Variants in APBB2 observed in about 807,000 individuals in gnomAD.
APBB2 encodes Fe65-like 1.
In APBB2, 38 loss-of-function variants were observed where a neutral mutation model predicts 82.5. The observed-to-expected ratio is 0.46, with a 90% CI of 0.36 to 0.60. The LOEUF is 0.60. APBB2 is among the 20% of genes least tolerant of loss of function. APBB2 has a pLI of 0.00. For missense variants in APBB2, 772 were observed against 972.3 expected (o/e 0.79, Z 2.74); for synonymous variants, 341 against 368.2 (o/e 0.93, Z 0.85).
intron 1 of APBB2, among the ~76,000 whole-genome samples, chr4:41,159,137 G>A (rs945861895): frequency 6.6e-6 from 1 of 152,198 alleles, no homozygotes; most frequent in Non-Finnish European, 1.5e-5. Context: ...TCCTCCAAGA[G>A]AGGACTGTAG....
intron 3 of APBB2, among the ~76,000 whole-genome samples, chr4:41,074,615 T>A (rs371937821): frequency 0.15 from 22,487 of 146,534 alleles, 2,288 homozygotes; most frequent in East Asian, 0.45. Context: ...ATTATTTTTT[T>A]TTTTTTTTTT....
chr4:41,191,527 G>A (rs1035260701), intron 1 of APBB2, among the ~76,000 whole-genome samples: 2 of 152,146 alleles, frequency 1.3e-5, no homozygotes, highest in African/African-American at 4.8e-5. Flanking sequence ...GGAAAGGATA[G>A]TCTCCTCAAT....
intron 1 of APBB2, among the ~76,000 whole-genome samples, chr4:41,162,455 T>C (rs952441122): frequency 4.6e-5 from 7 of 152,222 alleles, no homozygotes; most frequent in South Asian, 4.1e-4. Context: ...ACGCTCTTCA[T>C]TGTACCTTGC....
rs536473699 is a variant in APBB2, at chr4:40,883,877, T to G, written c.1529+6487A>C. 1.2e-3 allele frequency among the ~76,000 whole-genome samples: 178 copies of G among 152,338 alleles called. 1 individual carries two copies. Among genetic ancestry groups the G allele is most frequent in the African/African-American group, 4.2e-3 (174 of 41,582 alleles). Reference sequence around the variant, plus strand: ...CTGGGTCCCCCGTTCTTTTTCTTAATGCTTTGAAAATGTGGAAACTATTCT... The same window carrying G: ...CTGGGTCCCCCGTTCTTTTTCTTAAGGCTTTGAAAATGTGGAAACTATTCT... On this transcript the variant is annotated intron_variant, in intron 12 of 17. Transcript: ENST00000508593.
At chr4:41,139,946 A>G (rs530810568) in intron 2 of APBB2, among the ~76,000 whole-genome samples, 2 of 152,360 alleles carry the variant, frequency 1.3e-5, no homozygotes, top group East Asian at 3.9e-4. Flanking sequence ...ATCAATTATA[A>G]TATACCACAC....
chr4:40,873,713 T>A (rs1766142779), intron 12 of APBB2, among the ~76,000 whole-genome samples: 2 of 152,226 alleles, frequency 1.3e-5, no homozygotes, highest in Admixed American at 6.5e-5. Context: ...CTCTGATTAA[T>A]GGGGAAGGCC....
chr4:40,970,314 C>A (rs1463758063), intron 6 of APBB2, among the ~76,000 whole-genome samples: 1 of 152,158 alleles, frequency 6.6e-6, no homozygotes, highest in Non-Finnish European at 1.5e-5. Flanking sequence ...CGTTTATGAA[C>A]AAAATGAAAG....
intron 6 of APBB2, among the ~76,000 whole-genome samples, chr4:40,962,353 G>A (rs758265477): frequency 3.3e-5 from 5 of 152,056 alleles, no homozygotes; most frequent in Non-Finnish European, 7.4e-5. Context: ...ATTTTCAAAC[G>A]ATAATTCATG....
At chr4:41,136,727 G>C (rs1200764215) in intron 2 of APBB2, among the ~76,000 whole-genome samples, 1 of 152,154 alleles carries the variant, frequency 6.6e-6, no homozygotes, top group Non-Finnish European at 1.5e-5. Flanking sequence ...AAGCCCAGCA[G>C]CAATAGTCAG....
chr4:40,819,860 T>A (rs761889739), intron 17 of APBB2, among the ~76,000 whole-genome samples: 1 of 152,218 alleles, frequency 6.6e-6, no homozygotes, highest in East Asian at 1.9e-4. Context: ...TCACCCAGGC[T>A]GGACTACAGT....
chr4:41,078,987 C>T, intron 3 of APBB2, among the ~76,000 whole-genome samples: 1 of 152,140 alleles, frequency 6.6e-6, no homozygotes, highest in East Asian at 1.9e-4. Flanking sequence ...GAATCTAGAA[C>T]CAGAGACATA....
At chr4:40,904,493 G>C (rs1776164695) in intron 10 of APBB2, among the ~76,000 whole-genome samples, 1 of 151,456 alleles carries the variant, frequency 6.6e-6, no homozygotes, top group African/African-American at 2.4e-5. Flanking sequence ...TGAGCAAAGG[G>C]CTATGACCTA....
intron 6 of APBB2, among the ~76,000 whole-genome samples, chr4:41,002,562 C>T (rs1306984247): frequency 6.6e-6 from 1 of 152,188 alleles, no homozygotes; most frequent in Admixed American, 6.5e-5. Flanking sequence ...GAGCAGGGGG[C>T]TGCAAGCTCA....
At chr4:40,992,844 A>C (rs532694234) in intron 6 of APBB2, among the ~76,000 whole-genome samples, 8 of 152,240 alleles carry the variant, frequency 5.3e-5, no homozygotes, top group Admixed American at 2.6e-4. Flanking sequence ...ACAGGGCCGG[A>C]TGGAGATAGG....
intron 2 of APBB2, among the ~76,000 whole-genome samples, chr4:41,121,905 G>C (rs933453469): frequency 3.3e-5 from 5 of 151,682 alleles, no homozygotes; most frequent in Non-Finnish European, 7.4e-5. Context: ...GTGTGTGTGT[G>C]TGTGTATGTG....
chr4:40,829,266 T>G (rs933912804), intron 13 of APBB2, among the ~76,000 whole-genome samples: 1 of 152,104 alleles, frequency 6.6e-6, no homozygotes, highest in Non-Finnish European at 1.5e-5. Context: ...CTGCTCACTT[T>G]TGGAATACTG....
intron 10 of APBB2, among the ~76,000 whole-genome samples, chr4:40,917,051 G>A (rs776113067): frequency 1.4e-4 from 22 of 152,184 alleles, no homozygotes; most frequent in Non-Finnish European, 1.8e-4. Context: ...TCAAGTCAGG[G>A]CGGCAACTCC....
chr4:41,004,214 C>G (rs1396623576), intron 6 of APBB2, among the ~76,000 whole-genome samples: 1 of 152,110 alleles, frequency 6.6e-6, no homozygotes, highest in Non-Finnish European at 1.5e-5. Flanking sequence ...CCACTGCGCC[C>G]GGCCACAAAT....
intron 10 of APBB2, among the ~76,000 whole-genome samples, chr4:40,897,770 T>C (rs1050877468): frequency 6.6e-6 from 1 of 152,082 alleles, no homozygotes; most frequent in Non-Finnish European, 1.5e-5. Flanking sequence ...CAACCTGCAA[T>C]GTTTGGTGCT....
Sources: allele counts gnomAD v4.1 joint callset (sites outside exome capture counted in the v4.1 genomes callset), GRCh38; gene constraint gnomAD v4.1.1; transcripts MANE v1.5; gene names NCBI Gene and HGNC (gene_info 2026-07-23, HGNC 2026-07-21).